FAM185A: variants seen among roughly 807,000 people sequenced by gnomAD.
FAM185A encodes family with sequence similarity 185 member A.
FAM185A carries 21 observed loss-of-function variants against 45.7 expected under a neutral mutation model. The observed-to-expected ratio is 0.46, with a 90% CI of 0.33 to 0.66. FAM185A has a LOEUF of 0.66. Among genes scored for constraint, FAM185A ranks in the 30% least tolerant of loss-of-function variants. FAM185A has a pLI of 0.03. For missense variants in FAM185A, 305 were observed against 485.4 expected, an observed-to-expected ratio of 0.63 and a Z score of 3.49; for synonymous variants, 117 against 194.0, an observed-to-expected ratio of 0.60 and a Z score of 3.30.
At chr7:102,810,072 C>T (rs1234514187), downstream of FAM185A, among the ~76,000 whole-genome samples, 1 of 152,076 alleles carries the variant, frequency 6.6e-6, no homozygotes, top group Non-Finnish European at 1.5e-5. Flanking sequence ...GCAGAGAGGC[C>T]CGTGCGATGC....
At chr7:102,766,375 C>A (rs571030546) in intron 4 of FAM185A, among the ~76,000 whole-genome samples, 1 of 152,340 alleles carries the variant, frequency 6.6e-6, no homozygotes, top group African/African-American at 2.4e-5. Context: ...CTTCAAAAGT[C>A]CTTTGTTCTT....
chr7:102,810,591 T>C (rs574958644), downstream of FAM185A, among the ~76,000 whole-genome samples: 254 of 152,090 alleles, frequency 1.7e-3, no homozygotes, highest in African/African-American at 5.6e-3. Flanking sequence ...TTATTATTTA[T>C]GATGATCTTT....
At chr7:102,763,118 TAA>T (rs1362935448) in intron 4 of FAM185A, among the ~76,000 whole-genome samples, 3 of 149,926 alleles carry the variant, frequency 2.0e-5, no homozygotes, top group African/African-American at 7.4e-5. Context: ...TGCATTCTTT[TAA>T]GTTAGATAAA....
intron 5 of FAM185A, among the ~76,000 whole-genome samples, chr7:102,776,702 T>TAAAAA (rs72022042): frequency 6.8e-4 from 66 of 97,082 alleles, no homozygotes; most frequent in African/African-American, 1.9e-3. Context: ...ACCCTGTCTC[T>TAAAAA]AAAAAAAAAA....
chr7:102,828,378 G>A, the FAM185A span, among the ~76,000 whole-genome samples: 222 of 152,126 alleles, frequency 1.5e-3, 1 homozygote, highest in Non-Finnish European at 2.3e-3. Context: ...TGACCATTTC[G>A]AAACCTCTAA....
chr7:102,772,569 A>G, intron 5 of FAM185A, 119 bp downstream of exon 5: 2 of 599,656 alleles, frequency 3.3e-6, no homozygotes, highest in Non-Finnish European at 5.5e-6. Context: ...ACAGGATCAC[A>G]AGTCAAATAT....
chr7:102,846,615 CA>C, the FAM185A span, among the ~76,000 whole-genome samples: 1,083 of 122,372 alleles, frequency 8.9e-3, 10 homozygotes, highest in African/African-American at 0.018. Context: ...GACTCAGTCT[CA>C]AAAAAAAAAA....
At chr7:102,758,442 T>C (rs1466697699) in intron 3 of FAM185A, among the ~76,000 whole-genome samples, 3 of 140,198 alleles carry the variant, frequency 2.1e-5, no homozygotes, top group African/African-American at 8.1e-5. Context: ...TTTTTTTTTT[T>C]TTTTTTTTTT....
chr7:102,846,207 T>A, the FAM185A span, among the ~76,000 whole-genome samples: 2 of 152,296 alleles, frequency 1.3e-5, no homozygotes, highest in Admixed American at 1.3e-4. Flanking sequence ...TAAAAAAAAA[T>A]TATAATGATT....
At chr7:102,833,639 C>A in the FAM185A span, among the ~76,000 whole-genome samples, 1 of 151,200 alleles carries the variant, frequency 6.6e-6, no homozygotes, top group Non-Finnish European at 1.5e-5. Context: ...TCTAGGTTGC[C>A]CAGGCTGGTC....
chr7:102,836,239 T>A, the FAM185A span, among the ~76,000 whole-genome samples: 1 of 152,234 alleles, frequency 6.6e-6, no homozygotes, highest in African/African-American at 2.4e-5. Flanking sequence ...ACATTCATGG[T>A]ACCATTCTCA....
At chr7:102,806,893 C>T (rs756117096) in intron 7 of FAM185A, among the ~76,000 whole-genome samples, 1 of 151,936 alleles carries the variant, frequency 6.6e-6, no homozygotes, top group Admixed American at 6.6e-5. Flanking sequence ...TCTGGGGAGA[C>T]GGGGCTGCCC....
chr7:102,816,255 G>A, the FAM185A span: 1 of 152,190 alleles, frequency 6.6e-6, no homozygotes, highest in Non-Finnish European at 1.5e-5. Context: ...GTTCTGGGAG[G>A]TTAAGGCTTC....
In FAM185A at chr7:102,749,375, G is replaced by C; in HGVS notation, c.168G>C (p.Pro56=). 6.5e-7 allele frequency: 1 copy of C among 1,548,506 alleles called. No individual in the cohort carries two copies. The highest frequency in any genetic ancestry group is 8.7e-7 in the Non-Finnish European group (1 of 1,146,588). The change falls in exon 1 of 8, where the codon CCG becomes CCC. Residue 56 remains proline (P), a synonymous_variant. Coordinates refer to ENST00000413034, the MANE Select transcript of FAM185A (RefSeq NM_001145268.2). ...CCGGATCGGAGACTGAGGTCCCTCCGCCTGGCCCGGGGCGCCGAACTCTGA... is the reference window on the plus strand; with the variant it reads ...CCGGATCGGAGACTGAGGTCCCTCCCCCTGGCCCGGGGCGCCGAACTCTGA... The part of the protein sequence containing the change: ...RWPGSETEVP[P]PGPGRRTLKE...
intron 6 of FAM185A, chr7:102,779,884 T>C (rs906623323): frequency 4.3e-5 from 3 of 70,236 alleles, no homozygotes; most frequent in Admixed American, 1.9e-4. Context: ...TTTTTTGAGC[T>C]GGGGGAGGTA....
At chr7:102,784,569 C>T (rs1795648255) in intron 6 of FAM185A, among the ~76,000 whole-genome samples, 1 of 151,972 alleles carries the variant, frequency 6.6e-6, no homozygotes, top group South Asian at 2.1e-4. Flanking sequence ...ATAAACAGAA[C>T]CAACGACAAA....
chr7:102,770,862 T>C (rs1276870487), intron 4 of FAM185A, among the ~76,000 whole-genome samples: 1 of 152,154 alleles, frequency 6.6e-6, no homozygotes, highest in East Asian at 1.9e-4. Context: ...ACTGGATATA[T>C]ACACAAAAGA....
intron 2 of FAM185A, chr7:102,755,470 GA>G (rs1793654210): frequency 1.4e-6 from 1 of 692,540 alleles, no homozygotes; most frequent in African/African-American, 1.8e-5. Flanking sequence ...GACAAAGCAA[GA>G]GAAGAAGCGG....
the FAM185A span, among the ~76,000 whole-genome samples, chr7:102,843,872 A>G: frequency 6.6e-6 from 1 of 152,220 alleles, no homozygotes; most frequent in Non-Finnish European, 1.5e-5. Context: ...GAAGAGGACA[A>G]TGAGAGAAGT....
Sources: gnomAD v4.1 joint callset for allele counts (sites outside exome capture counted in the v4.1 genomes callset) on GRCh38, gnomAD v4.1.1 for gene constraint, MANE v1.5 for transcripts, NCBI Gene and HGNC (gene_info 2026-07-23, HGNC 2026-07-21) for gene names.